The following METAP1D variants were observed in gnomAD, a reference collection of about 807,000 sequenced individuals.
METAP1D encodes methionyl aminopeptidase type 1D, mitochondrial.
In METAP1D, 31 loss-of-function variants were observed where a neutral mutation model predicts 40.5. The observed-to-expected ratio is 0.77, with a 90% CI of 0.58 to 1.03. The LOEUF (loss-of-function observed/expected upper bound fraction) is 1.03, where lower values mean the gene tolerates loss of function less well. Ranked by LOEUF, METAP1D falls within the 50% of genes least tolerant of loss-of-function variation. The pLI, the probability that METAP1D is intolerant of heterozygous loss-of-function variation, is 0.00. For synonymous variants in METAP1D, 151 were observed against 146.4 expected (o/e 1.03, Z -0.22); for missense variants, 411 against 420.7 (o/e 0.98, Z 0.20).
intron 1 of METAP1D, among the ~76,000 whole-genome samples, chr2:172,051,736 TC>T (rs1361862137): frequency 1.3e-5 from 2 of 152,118 alleles, no homozygotes; most frequent in Non-Finnish European, 2.9e-5. Context: ...GAACCAAGAC[TC>T]CCAGGCTGTA....
intron 1 of METAP1D, chr2:172,021,810 GGA>G (rs1332198996): frequency 6.6e-6 from 1 of 152,182 alleles, no homozygotes; most frequent in Non-Finnish European, 1.5e-5. Flanking sequence ...TGCAGAATGA[GGA>G]GAGGGGAAAG....
chr2:172,029,596 T>C (rs931738234), intron 1 of METAP1D, among the ~76,000 whole-genome samples: 12 of 152,310 alleles, frequency 7.9e-5, no homozygotes, highest in African/African-American at 2.4e-4. Context: ...TGTTTTCTGG[T>C]CTTAGAGTTA....
intron 1 of METAP1D, among the ~76,000 whole-genome samples, chr2:172,031,960 GC>G (rs1260663033): frequency 6.6e-6 from 1 of 152,172 alleles, no homozygotes; most frequent in Non-Finnish European, 1.5e-5. Context: ...CTTTCTTGTT[GC>G]CCGGCTGGTC....
chr2:172,025,818 C>T (rs1689109034), intron 1 of METAP1D, among the ~76,000 whole-genome samples: 1 of 152,092 alleles, frequency 6.6e-6, no homozygotes. Flanking sequence ...TGCCTGTCTT[C>T]ACAACTTCAA....
chr2:172,044,306 A>G (rs1462195427), intron 1 of METAP1D, among the ~76,000 whole-genome samples: 2 of 128,924 alleles, frequency 1.6e-5, no homozygotes, highest in African/African-American at 5.2e-5. Flanking sequence ...CACACCTGTA[A>G]TCTCAGCACT....
chr2:172,064,656 G>C (rs1690210074), intron 3 of METAP1D, among the ~76,000 whole-genome samples: 1 of 150,916 alleles, frequency 6.6e-6, no homozygotes, highest in African/African-American at 2.4e-5. Context: ...CTTTCATTTA[G>C]TTCTTTCATA....
At chr2:172,077,985 C>A in intron 7 of METAP1D, 91 bp downstream of exon 7, 7 of 537,226 alleles carry the variant, frequency 1.3e-5, no homozygotes, top group East Asian at 4.1e-5. Flanking sequence ...TTTGAATCTG[C>A]ATTATCAACC....
intron 1 of METAP1D, among the ~76,000 whole-genome samples, chr2:172,055,540 TA>T (rs1374520627): frequency 6.6e-6 from 1 of 152,210 alleles, no homozygotes; most frequent in Admixed American, 6.5e-5. Context: ...TTTGCCAGGC[TA>T]GTTGGAGGAC....
At position 172,070,906 on chromosome 2, in the gene METAP1D, G is replaced by A. The variant is rs148636585; in HGVS notation, c.541-1G>A. On this transcript the variant is annotated splice_acceptor_variant, in intron 5 of 9. Coordinates refer to ENST00000315796, the MANE Select transcript of METAP1D (RefSeq NM_199227.3). LOFTEE classifies it high-confidence loss of function. Reference sequence around the variant, plus strand: ...ATTTTTAAATTTCTGCTTATGTTTAGGTCTATTACAATGGCTACCATGGAG... The same window carrying A: ...ATTTTTAAATTTCTGCTTATGTTTAAGTCTATTACAATGGCTACCATGGAG... 133 of 1,601,902 alleles carry A rather than the reference G, an allele frequency of 8.3e-5. No individual in the cohort carries two copies. In the African/African-American group the frequency reaches 1.6e-3, roughly 20 times the overall value.
chr2:172,022,985 G>T (rs374099036), intron 1 of METAP1D, among the ~76,000 whole-genome samples: 3 of 152,044 alleles, frequency 2.0e-5, no homozygotes, highest in African/African-American at 7.2e-5. Context: ...TCGGGAGTTC[G>T]AGATCAGCCT....
At chr2:172,067,035 AT>A (rs1403041589) in intron 5 of METAP1D, among the ~76,000 whole-genome samples, 2 of 152,008 alleles carry the variant, frequency 1.3e-5, no homozygotes, top group Non-Finnish European at 2.9e-5. Context: ...GCTTTTTCTC[AT>A]TTTCTTAGCC....
intron 8 of METAP1D, among the ~76,000 whole-genome samples, 179 bp downstream of exon 8, chr2:172,079,441 C>A (rs1474204298): frequency 6.6e-6 from 1 of 152,246 alleles, no homozygotes; most frequent in Non-Finnish European, 1.5e-5. Flanking sequence ...AAATCAGATA[C>A]TTACCGACAC....
intron 1 of METAP1D, among the ~76,000 whole-genome samples, chr2:172,017,234 T>TTA (rs1459549290): frequency 3.0e-3 from 217 of 73,500 alleles, no homozygotes; most frequent in African/African-American, 6.5e-3. Context: ...ATGAAAGGTT[T>TTA]TACACACACA....
intron 1 of METAP1D, 28 bp downstream of exon 1, chr2:172,000,037 G>A (rs945509131): frequency 1.5e-6 from 2 of 1,291,772 alleles, no homozygotes; most frequent in African/African-American, 1.5e-5. Flanking sequence ...AGCCCCGTGA[G>A]GGTTCGCACG....
chr2:172,047,354 G>A (rs531594650), intron 1 of METAP1D, among the ~76,000 whole-genome samples: 48 of 152,250 alleles, frequency 3.2e-4, no homozygotes, highest in African/African-American at 1.0e-3. Flanking sequence ...TACAAACTGA[G>A]GTTACCAAGG....
chr2:172,076,862 C>G (rs1157201708), intron 6 of METAP1D, among the ~76,000 whole-genome samples: 1 of 152,172 alleles, frequency 6.6e-6, no homozygotes, highest in Non-Finnish European at 1.5e-5. Flanking sequence ...GCATTTTGCC[C>G]TTTGTCCACA....
In METAP1D at chr2:172,025,166, C is replaced by T. The variant is rs573120541; in HGVS notation, c.40+25157C>T. Among the ~76,000 whole-genome samples the T allele has an allele frequency of 5.3e-5, 8 of 152,248 alleles. No homozygotes were observed. In the East Asian group the frequency reaches 1.5e-3, roughly 29 times the overall value. ...ATTCCTGGGTTTCAAACTGGGTTTT[C>T]TCAATCAATTGTTCTAGGGCAGAGC... On this transcript the variant is annotated intron_variant, in intron 1 of 9. Coordinates refer to ENST00000315796, the MANE Select transcript of METAP1D (RefSeq NM_199227.3).
intron 1 of METAP1D, among the ~76,000 whole-genome samples, chr2:172,045,389 G>C (rs1388460623): frequency 7.5e-6 from 1 of 132,674 alleles, no homozygotes; most frequent in South Asian, 2.4e-4. Context: ...AGCCGGGCGC[G>C]GTGGCTCACC....
chr2:172,041,654 A>C (rs1171617484), intron 1 of METAP1D, among the ~76,000 whole-genome samples: 1 of 116,118 alleles, frequency 8.6e-6, no homozygotes, highest in East Asian at 2.1e-4. Flanking sequence ...AAAACCAAAC[A>C]AAACTAAGCT....
Sources: gnomAD v4.1 joint callset for allele counts (sites outside exome capture counted in the v4.1 genomes callset) on GRCh38, gnomAD v4.1.1 for gene constraint, MANE v1.5 for transcripts, NCBI Gene and HGNC (gene_info 2026-07-23, HGNC 2026-07-21) for gene names.